PTPRD: variants seen among roughly 807,000 people sequenced by gnomAD.
PTPRD encodes the protein protein tyrosine phosphatase receptor type D.
PTPRD carries 34 observed loss-of-function variants against 214.5 expected under a neutral mutation model. That is an observed-to-expected ratio of 0.16 (90% CI 0.12 to 0.21). The LOEUF is 0.21. PTPRD is among the 10% of genes least tolerant of loss of function. The pLI is 1.00. For missense variants in PTPRD, 2,545 were observed against 2,398.7 expected (o/e 1.06, Z -1.27); for synonymous variants, 1,128 against 845.7 (o/e 1.33, Z -5.79).
At chr9:9,649,150 TG>T (rs1318672475) in intron 7 of PTPRD, among the ~76,000 whole-genome samples, 1 of 152,174 alleles carries the variant, frequency 6.6e-6, no homozygotes, top group African/African-American at 2.4e-5. Flanking sequence ...CCATATATCA[TG>T]TAGCCATATA....
At chr9:9,801,382 C>T (rs1269370838) in intron 5 of PTPRD, among the ~76,000 whole-genome samples, 2 of 151,838 alleles carry the variant, frequency 1.3e-5, no homozygotes, top group Non-Finnish European at 2.9e-5. Flanking sequence ...AATGGAAATG[C>T]TCTGCACCTA....
At position 10,169,473 on chromosome 9, in the gene PTPRD, C is replaced by CAAAAAAAAAAAAAAAAAAA. The variant is rs59335943; in HGVS notation, c.-544-135702_-544-135684dup. On this transcript the variant is annotated intron_variant, in intron 3 of 45. Transcript: ENST00000381196. ...TGGGCGAAAGAGCGAGACTCTGTCT[C>CAAAAAAAAAAAAAAAAAAA]AAAAAAAAAAAAAAAAAAAAGCAAT... Among the ~76,000 whole-genome samples, 42 of 66,836 alleles carry CAAAAAAAAAAAAAAAAAAA rather than the reference C, an allele frequency of 6.3e-4. 1 individual carries two copies. The highest frequency in any genetic ancestry group is 3.0e-3 in the African/African-American group (42 of 13,994). The allele number at this position is 66,836 out of a possible 152,430, so 43.8% of individuals were successfully genotyped here.
At chr9:8,759,408 A>C (rs73421284) in intron 11 of PTPRD, among the ~76,000 whole-genome samples, 11 of 152,106 alleles carry the variant, frequency 7.2e-5, no homozygotes, top group African/African-American at 2.2e-4. Context: ...GGCAACTAAT[A>C]TTTTAAAGCT....
intron 30 of PTPRD, among the ~76,000 whole-genome samples, chr9:8,478,631 T>G (rs2096816829): frequency 6.6e-6 from 1 of 152,178 alleles, no homozygotes; most frequent in African/African-American, 2.4e-5. Context: ...CTGCTAGATC[T>G]GACTGGCATT....
chr9:9,722,965 A>G (rs538343784), intron 7 of PTPRD, among the ~76,000 whole-genome samples: 5 of 152,170 alleles, frequency 3.3e-5, no homozygotes, highest in African/African-American at 1.2e-4. Flanking sequence ...TGATTTCACA[A>G]CACTTTCTCC....
chr9:10,591,134 G>A (rs567644569), intron 2 of PTPRD, among the ~76,000 whole-genome samples: 1 of 151,944 alleles, frequency 6.6e-6, no homozygotes, highest in South Asian at 2.1e-4. Flanking sequence ...TCCTTATTTA[G>A]ACCTGTTTTG....
intron 3 of PTPRD, among the ~76,000 whole-genome samples, chr9:10,254,646 G>T (rs554786592): frequency 4.6e-5 from 7 of 152,116 alleles, no homozygotes; most frequent in African/African-American, 1.7e-4. Flanking sequence ...TAGAGTAAAA[G>T]ATTCCCAAAA....
intron 3 of PTPRD, among the ~76,000 whole-genome samples, chr9:10,123,465 C>T (rs2098792378): frequency 6.6e-6 from 1 of 152,054 alleles, no homozygotes; most frequent in African/African-American, 2.4e-5. Flanking sequence ...ACAGGAAAAC[C>T]AGTGAAGAAA....
chr9:9,444,182 G>C (rs562533369), intron 8 of PTPRD, among the ~76,000 whole-genome samples: 1 of 152,024 alleles, frequency 6.6e-6, no homozygotes, highest in African/African-American at 2.4e-5. Context: ...TTTGGATTTC[G>C]TGCATCTACT....
intron 3 of PTPRD, among the ~76,000 whole-genome samples, chr9:10,161,045 A>C (rs945264557): frequency 2.6e-5 from 4 of 151,976 alleles, no homozygotes; most frequent in Middle Eastern, 3.2e-3. Context: ...AAAACTACAA[A>C]ATACTGATGA....
intron 2 of PTPRD, among the ~76,000 whole-genome samples, chr9:10,586,636 G>A (rs928714136): frequency 6.6e-6 from 1 of 152,028 alleles, no homozygotes; most frequent in Non-Finnish European, 1.5e-5. Context: ...GCGGGCATAA[G>A]ACTTTCTCAG....
Position 8,334,018 on chromosome 9 carries a change from A to T in PTPRD, c.5380-2282T>A, listed in dbSNP as rs1314548100. On this transcript the variant is annotated intron_variant, in intron 43 of 45. Transcript: ENST00000381196. ...ATATATGTGACCCCAATACAGGAGC[A>T]CCCAGATTCATAAAATAAAGCAAGT... 2.0e-5 allele frequency among the ~76,000 whole-genome samples: 3 copies of T among 152,222 alleles called. No individual in the cohort carries two copies. In the East Asian group the frequency reaches 5.8e-4, roughly 29 times the overall value.
intron 30 of PTPRD, among the ~76,000 whole-genome samples, chr9:8,471,977 C>T (rs2135026083): frequency 6.6e-6 from 1 of 152,190 alleles, no homozygotes; most frequent in Admixed American, 6.5e-5. Context: ...TAATCACTTC[C>T]TACTTCTCAG....
At chr9:9,071,853 G>C (rs976523941) in intron 10 of PTPRD, among the ~76,000 whole-genome samples, 3 of 152,126 alleles carry the variant, frequency 2.0e-5, no homozygotes, top group Non-Finnish European at 4.4e-5. Context: ...CTCTAATATA[G>C]AAAAGTAAAG....
chr9:9,011,229 T>A (rs758496687), intron 11 of PTPRD, among the ~76,000 whole-genome samples: 2 of 152,088 alleles, frequency 1.3e-5, no homozygotes, highest in African/African-American at 4.8e-5. Context: ...CTCATTTACA[T>A]GGTCTCACGT....
chr9:10,292,878 A>C (rs2095569522), intron 3 of PTPRD, among the ~76,000 whole-genome samples: 1 of 151,948 alleles, frequency 6.6e-6, no homozygotes, highest in South Asian at 2.1e-4. Context: ...ATGTGTGTAT[A>C]TAAATTAATG....
At chr9:8,809,890 C>T (rs1255796010) in intron 11 of PTPRD, among the ~76,000 whole-genome samples, 1 of 152,164 alleles carries the variant, frequency 6.6e-6, no homozygotes, top group Non-Finnish European at 1.5e-5. Context: ...CTGGTTCAAA[C>T]CTAAAAGGGA....
intron 5 of PTPRD, among the ~76,000 whole-genome samples, chr9:9,887,805 A>G (rs2071542144): frequency 6.6e-6 from 1 of 152,032 alleles, no homozygotes; most frequent in Non-Finnish European, 1.5e-5. Context: ...ATATTTTTAA[A>G]ATACTCTTTC....
intron 9 of PTPRD, among the ~76,000 whole-genome samples, chr9:9,204,501 C>G (rs1414603023): frequency 6.6e-6 from 1 of 152,120 alleles, no homozygotes; most frequent in Non-Finnish European, 1.5e-5. Flanking sequence ...CTAAGCATTA[C>G]CGGGTTCTCA....
Sources: gnomAD v4.1 joint callset for allele counts (sites outside exome capture counted in the v4.1 genomes callset) on GRCh38, gnomAD v4.1.1 for gene constraint, MANE v1.5 for transcripts, NCBI Gene and HGNC (gene_info 2026-07-23, HGNC 2026-07-21) for gene names.